TCAIM: variants seen among roughly 807,000 people sequenced by gnomAD.
The protein encoded by TCAIM is T-cell activation inhibitor, mitochondrial.
TCAIM carries 36 observed loss-of-function variants against 58.6 expected under a neutral mutation model. The ratio of observed to expected loss-of-function variants is 0.61; its 90% confidence interval spans 0.47 to 0.81. The LOEUF (loss-of-function observed/expected upper bound fraction) is 0.81. TCAIM is among the 30% of genes least tolerant of loss of function. The pLI is 0.00. For missense variants in TCAIM, 466 were observed against 579.6 expected, an observed-to-expected ratio of 0.80 and a Z score of 2.01; for synonymous variants, 172 against 193.6, an observed-to-expected ratio of 0.89 and a Z score of 0.93.
intron 1 of TCAIM, among the ~76,000 whole-genome samples, chr3:44,343,587 TTAGAC>T (rs1700901010): frequency 6.6e-6 from 1 of 152,214 alleles, no homozygotes; most frequent in Non-Finnish European, 1.5e-5. Context: ...ACATCTCTAT[TTAGAC>T]TAACCACATT....
At chr3:44,375,537 C>G (rs1701551526) in intron 5 of TCAIM, among the ~76,000 whole-genome samples, 1 of 152,202 alleles carries the variant, frequency 6.6e-6, no homozygotes, top group Non-Finnish European at 1.5e-5. Context: ...GCCTCCATGA[C>G]CCAAAACTTC....
intron 2 of TCAIM, among the ~76,000 whole-genome samples, chr3:44,355,175 G>T (rs540776286): frequency 2.0e-5 from 3 of 152,334 alleles, no homozygotes; most frequent in South Asian, 4.1e-4. Flanking sequence ...CAAAAGGGAA[G>T]GTTCTGGGGG....
intron 5 of TCAIM, among the ~76,000 whole-genome samples, chr3:44,369,522 C>T (rs1179700097): frequency 1.3e-5 from 2 of 151,978 alleles, no homozygotes; most frequent in Non-Finnish European, 2.9e-5. Flanking sequence ...AAAGAGTGCC[C>T]CAAGGACCTA....
chr3:44,393,777 T>G (rs1701879615), intron 6 of TCAIM, among the ~76,000 whole-genome samples: 1 of 152,050 alleles, frequency 6.6e-6, no homozygotes. Context: ...TAATAATAAG[T>G]GTTTTAAAAG....
upstream of TCAIM, chr3:44,338,175 C>T (rs1416509174): frequency 6.6e-6 from 1 of 152,542 alleles, no homozygotes; most frequent in Non-Finnish European, 1.5e-5. Flanking sequence ...GCTCGGTTGC[C>T]CTTCTCCGTT....
chr3:44,357,795 G>C lies in TCAIM; in HGVS notation c.84G>C (p.Ser28=). 1 of 1,614,086 alleles carries C rather than the reference G, an allele frequency of 6.2e-7. No individual in the cohort carries two copies. Among genetic ancestry groups the C allele is most frequent in the Non-Finnish European group, 8.5e-7 (1 of 1,179,996 alleles). The change falls in exon 3 of 11, where the codon TCG becomes TCC. Residue 28 remains serine, a synonymous_variant. Coordinates refer to ENST00000342649, the MANE Select transcript of TCAIM (RefSeq NM_173826.4). ...GGTTTCCCTTTTCAAGAGCTTTATC[G>C]GGAGCTGAAGCAGTCAATGCCTTGA... The part of the protein sequence containing the change: ...PHWFPFSRAL[S]GAEAVNALRP...
chr3:44,346,390 T>C (rs1357281792), intron 1 of TCAIM, among the ~76,000 whole-genome samples: 1 of 152,096 alleles, frequency 6.6e-6, no homozygotes, highest in Non-Finnish European at 1.5e-5. Flanking sequence ...CGTCTACCCA[T>C]CCAGTGAAAG....
chr3:44,392,886 G>T lies in TCAIM; in HGVS notation c.604G>T (p.Val202Phe). Residue 202 changes from valine to phenylalanine, a missense_variant, in exon 6 of 11, where the codon GTT (valine) becomes TTT (phenylalanine). Coordinates refer to ENST00000342649, the MANE Select transcript of TCAIM (RefSeq NM_173826.4). ...GTTAGATAACAATGGGAAAAGTGCT[G>T]TTAAAAAGCTAAAGAACAGTTTGCC... Reference protein sequence around the residue: ...SWLDNNGKSAVKKLKNSLPLR... With the variant: ...SWLDNNGKSAFKKLKNSLPLR... 1 of 1,613,340 alleles carries T rather than the reference G, an allele frequency of 6.2e-7. No individual in the cohort carries two copies.
At chr3:44,358,138 G>A in intron 3 of TCAIM, 1 of 1,491,930 alleles carries the variant, frequency 6.7e-7, no homozygotes, top group South Asian at 1.3e-5. Context: ...ACCAATTTTT[G>A]AAGTACAGTT....
intron 6 of TCAIM, among the ~76,000 whole-genome samples, chr3:44,393,632 G>A (rs1701876272): frequency 6.6e-6 from 1 of 151,840 alleles, no homozygotes; most frequent in African/African-American, 2.4e-5. Context: ...CATCTTGTAA[G>A]ATATTTAAGG....
At chr3:44,350,900 A>G (rs1313060284) in intron 1 of TCAIM, among the ~76,000 whole-genome samples, 2 of 152,110 alleles carry the variant, frequency 1.3e-5, no homozygotes, top group Non-Finnish European at 2.9e-5. Flanking sequence ...TGTCTTAACT[A>G]AATCTAGGTT....
intron 1 of TCAIM, among the ~76,000 whole-genome samples, chr3:44,350,640 C>A (rs149011918): frequency 3.8e-4 from 58 of 152,224 alleles, no homozygotes; most frequent in African/African-American, 1.4e-3. Flanking sequence ...TGCCCAGAGG[C>A]TGGTCTTGAA....
In TCAIM at chr3:44,367,775, G is replaced by A. The variant is rs1166995733; in HGVS notation, c.572+67G>A. 7.1e-6 allele frequency: 10 copies of A among 1,401,196 alleles called. No homozygotes were observed. The Admixed American group carries it at 2.8e-4, about 40-fold the overall frequency. 86.8% of individuals were successfully genotyped at this position (1,401,196 alleles called of 1,614,324 possible). On this transcript the variant is annotated intron_variant, in intron 5 of 10. Transcript: ENST00000342649. ...TGTGTTTATGACACTGATTTATTGG[G>A]ATGGCAAAAACATTTTTTTATAAAT...
At chr3:44,401,551 A>G (rs1029520335) in intron 10 of TCAIM, among the ~76,000 whole-genome samples, 3 of 152,248 alleles carry the variant, frequency 2.0e-5, no homozygotes, top group Admixed American at 1.3e-4. Context: ...AAGTCAATTC[A>G]GAAACAGAAT....
chr3:44,371,592 T>G (rs560441267), intron 5 of TCAIM, among the ~76,000 whole-genome samples: 9 of 152,292 alleles, frequency 5.9e-5, no homozygotes, highest in Non-Finnish European at 1.3e-4. Flanking sequence ...TGTCTTACAG[T>G]GCTGATGTAG....
At chr3:44,351,273 A>T (rs937357696) in intron 1 of TCAIM, among the ~76,000 whole-genome samples, 3 of 151,600 alleles carry the variant, frequency 2.0e-5, no homozygotes, top group Non-Finnish European at 4.4e-5. Flanking sequence ...CCAAGGTCAT[A>T]GGTGGATCTT....
Position 44,396,743 on chromosome 3 carries a change from G to T in TCAIM, c.794G>T (p.Gly265Val). Residue 265 changes from glycine (G) to valine (V), a missense_variant and splice_region_variant, in exon 8 of 11, where the codon GGG becomes GTG. Physicochemically the swap from Gly to Val is moderately radical, Grantham distance 109. Transcript: ENST00000342649. Reference sequence around the variant, plus strand: ...CAAAGGTTTTGTGTTTTGTCATCAGGGTGTACAATCATATTTACAGACCGT... The same window carrying T: ...CAAAGGTTTTGTGTTTTGTCATCAGTGTGTACAATCATATTTACAGACCGT... ...QNLETLKKAK[G>V]CTIIFTDRSG... 1 of 1,613,544 alleles carries T rather than the reference G, an allele frequency of 6.2e-7. No individual in the cohort carries two copies.
intron 1 of TCAIM, chr3:44,340,382 G>A (rs1266900335): frequency 6.6e-6 from 1 of 152,198 alleles, no homozygotes; most frequent in Non-Finnish European, 1.5e-5. Context: ...GTTCTTACAA[G>A]GTTGAAGACT....
chr3:44,381,877 A>G (rs1339225597), intron 5 of TCAIM, among the ~76,000 whole-genome samples: 1 of 152,234 alleles, frequency 6.6e-6, no homozygotes, highest in African/African-American at 2.4e-5. Context: ...AATTCCATTT[A>G]CAATAGCATC....
Sources: gnomAD v4.1 joint callset for allele counts (sites outside exome capture counted in the v4.1 genomes callset) on GRCh38, gnomAD v4.1.1 for gene constraint, MANE v1.5 for transcripts, NCBI Gene and HGNC (gene_info 2026-07-23, HGNC 2026-07-21) for gene names.